Variants in SGCZ observed in about 807,000 individuals in gnomAD.
The protein encoded by SGCZ is sarcoglycan zeta.
In SGCZ, 40 loss-of-function variants were observed where a neutral mutation model predicts 41.3. That is an observed-to-expected ratio of 0.97 (90% confidence interval 0.75 to 1.26). The LOEUF is 1.26. SGCZ is among the 50% of genes most tolerant of loss of function. The pLI is 0.00. For synonymous variants in SGCZ, 206 were observed against 137.5 expected, an observed-to-expected ratio of 1.50 and a Z score of -3.49; for missense variants, 552 against 369.8, an observed-to-expected ratio of 1.49 and a Z score of -4.04.
chr8:14,525,665 A>G (rs544227587), intron 2 of SGCZ, among the ~76,000 whole-genome samples: 4 of 152,118 alleles, frequency 2.6e-5, no homozygotes, highest in Non-Finnish European at 5.9e-5. Context: ...ACACACTAAA[A>G]AGAAAATTTA....
chr8:14,242,794 G>A lies in SGCZ; in HGVS notation c.337-5115C>T, dbSNP rs866512237. Among the ~76,000 whole-genome samples the A allele has an allele frequency of 3.2e-4, 48 of 152,170 alleles. 2 individuals carry two copies. The Middle Eastern group carries it at 0.024, about 75-fold the overall frequency. On this transcript the variant is annotated intron_variant, in intron 3 of 7. Transcript: ENST00000382080. ...AACTCCATAATTTTGTTTCAAATATGCCCTGTCTACCACGAGGAAGTACTG... is the reference window on the plus strand; with the variant it reads ...AACTCCATAATTTTGTTTCAAATATACCCTGTCTACCACGAGGAAGTACTG...
Position 15,174,111 on chromosome 8 carries a change from T to A in SGCZ, c.39+63474A>T, listed in dbSNP as rs1023817076. ...TATTATACCAACAGATCTATTTTAATGGATGTTAATAGTTCAAAACATCAT... is the reference window on the plus strand; with the variant it reads ...TATTATACCAACAGATCTATTTTAAAGGATGTTAATAGTTCAAAACATCAT... On this transcript the variant is annotated intron_variant, in intron 1 of 7. Coordinates refer to ENST00000382080, the MANE Select transcript of SGCZ (RefSeq NM_139167.4). Among the ~76,000 whole-genome samples, 3 of 152,198 alleles carry A rather than the reference T, an allele frequency of 2.0e-5. No homozygotes were observed. In the East Asian group the frequency reaches 5.8e-4, roughly 29 times the overall value.
intron 4 of SGCZ, among the ~76,000 whole-genome samples, chr8:14,232,917 G>A (rs1401088058): frequency 6.6e-6 from 1 of 152,034 alleles, no homozygotes; most frequent in Admixed American, 6.6e-5. Context: ...ATGACATTCA[G>A]TTTTTTAATA....
At chr8:14,112,416 T>A (rs1380327755) in intron 5 of SGCZ, among the ~76,000 whole-genome samples, 1 of 152,082 alleles carries the variant, frequency 6.6e-6, no homozygotes, top group Admixed American at 6.6e-5. Flanking sequence ...CCCAGCCCTA[T>A]GGCACTTGAC....
intron 1 of SGCZ, among the ~76,000 whole-genome samples, chr8:14,808,960 C>G (rs1199035685): frequency 6.6e-6 from 1 of 151,226 alleles, no homozygotes; most frequent in African/African-American, 2.4e-5. Flanking sequence ...AATCATCATT[C>G]TCAGTAAACT....
intron 1 of SGCZ, among the ~76,000 whole-genome samples, chr8:14,587,002 G>A (rs1305744591): frequency 6.6e-6 from 1 of 150,818 alleles, no homozygotes; most frequent in Non-Finnish European, 1.5e-5. Context: ...ATTATTTACA[G>A]AATATCCTTA....
intron 1 of SGCZ, among the ~76,000 whole-genome samples, chr8:15,188,018 A>G (rs777440277): frequency 3.3e-5 from 5 of 152,014 alleles, no homozygotes; most frequent in African/African-American, 4.8e-5. Flanking sequence ...CATATATGTA[A>G]CAACTTACAC....
chr8:14,471,177 G>A (rs1801203252), intron 2 of SGCZ, among the ~76,000 whole-genome samples: 1 of 152,064 alleles, frequency 6.6e-6, no homozygotes, highest in Non-Finnish European at 1.5e-5. Flanking sequence ...ACTAAAGCAT[G>A]GCAATTTAAT....
intron 3 of SGCZ, among the ~76,000 whole-genome samples, chr8:14,313,292 C>A (rs1231902638): frequency 6.6e-6 from 1 of 152,068 alleles, no homozygotes; most frequent in African/African-American, 2.4e-5. Flanking sequence ...ATTTTGTCTG[C>A]TACCCCAGGG....
At chr8:14,556,788 G>A (rs910017723) in intron 1 of SGCZ, among the ~76,000 whole-genome samples, 6 of 151,998 alleles carry the variant, frequency 3.9e-5, no homozygotes, top group African/African-American at 1.4e-4. Flanking sequence ...TCCTTTTTAT[G>A]GCTGAGTAGT....
intron 1 of SGCZ, among the ~76,000 whole-genome samples, chr8:14,814,827 T>C (rs940889194): frequency 6.6e-6 from 1 of 152,168 alleles, no homozygotes; most frequent in African/African-American, 2.4e-5. Flanking sequence ...CAGCCAACTA[T>C]GGTAATTTTA....
intron 1 of SGCZ, among the ~76,000 whole-genome samples, chr8:14,860,621 G>C (rs1237251060): frequency 7.0e-6 from 1 of 143,486 alleles, no homozygotes; most frequent in South Asian, 2.2e-4. Context: ...ACAAGACAGA[G>C]AAAAAGACAA....
chr8:15,096,543 A>G (rs1251115561), intron 1 of SGCZ, among the ~76,000 whole-genome samples: 1 of 152,334 alleles, frequency 6.6e-6, no homozygotes, highest in East Asian at 1.9e-4. Context: ...GGCAAACCAG[A>G]ACATGTAATG....
intron 1 of SGCZ, among the ~76,000 whole-genome samples, chr8:14,892,263 G>C (rs187275182): frequency 2.3e-3 from 344 of 152,246 alleles, no homozygotes; most frequent in Non-Finnish European, 4.2e-3. Context: ...GTGCCATCAG[G>C]ATATATCTGC....
intron 1 of SGCZ, among the ~76,000 whole-genome samples, chr8:15,232,582 A>C (rs1801979277): frequency 6.6e-6 from 1 of 151,444 alleles, no homozygotes; most frequent in African/African-American, 2.4e-5. Context: ...TTTCAACTTC[A>C]ATTAAACAAC....
At chr8:15,210,036 C>A (rs1247149850) in intron 1 of SGCZ, among the ~76,000 whole-genome samples, 1 of 152,090 alleles carries the variant, frequency 6.6e-6, no homozygotes, top group Non-Finnish European at 1.5e-5. Flanking sequence ...TTCGAAAACA[C>A]AATACTTCTT....
chr8:15,156,645 T>C lies in SGCZ; in HGVS notation c.39+80940A>G, dbSNP rs1585621838. The stretch of plus-strand genomic sequence containing the variant: ...CTTATCTTTGCAATACATACCAATG[T>C]AAAGAAAGCACTTCTCGGCCAGGCG... On this transcript the variant is annotated intron_variant, in intron 1 of 7. Coordinates refer to ENST00000382080, the MANE Select transcript of SGCZ (RefSeq NM_139167.4). Among the ~76,000 whole-genome samples the C allele has an allele frequency of 2.0e-5, 3 of 152,246 alleles. No individual in the cohort carries two copies. In the South Asian group the frequency reaches 6.2e-4, roughly 32 times the overall value.
At chr8:14,129,269 C>A (rs1441635192) in intron 5 of SGCZ, among the ~76,000 whole-genome samples, 1 of 147,830 alleles carries the variant, frequency 6.8e-6, no homozygotes, top group African/African-American at 2.5e-5. Context: ...TTGCTTGAAC[C>A]CAGGAGGCAG....
At chr8:14,375,463 G>T (rs572109416) in intron 2 of SGCZ, among the ~76,000 whole-genome samples, 1 of 152,110 alleles carries the variant, frequency 6.6e-6, no homozygotes, top group Non-Finnish European at 1.5e-5. Context: ...TATCTATTTA[G>T]ATCTTTATAA....
Sources: allele counts gnomAD v4.1 joint callset (sites outside exome capture counted in the v4.1 genomes callset), GRCh38; gene constraint gnomAD v4.1.1; transcripts MANE v1.5; gene names NCBI Gene and HGNC (gene_info 2026-07-23, HGNC 2026-07-21).